KCNH7: variants seen among roughly 807,000 people sequenced by gnomAD.
KCNH7 encodes voltage-gated inwardly rectifying potassium channel KCNH7.
In KCNH7, 49 loss-of-function variants were observed where a neutral mutation model predicts 120.8. That is an observed-to-expected ratio of 0.41 (90% CI 0.32 to 0.51). The LOEUF (loss-of-function observed/expected upper bound fraction) is 0.51, where lower values mean the gene tolerates loss of function less well. Among genes scored for constraint, KCNH7 ranks in the 20% least tolerant of loss-of-function variants. The pLI, the probability that KCNH7 is intolerant of heterozygous loss-of-function variation, is 0.38. For synonymous variants in KCNH7, 547 were observed against 516.1 expected, an observed-to-expected ratio of 1.06 and a Z score of -0.81; for missense variants, 1,097 against 1,446.6, an observed-to-expected ratio of 0.76 and a Z score of 3.92.
At chr2:162,399,313 TC>T (rs1687005499) in intron 10 of KCNH7, among the ~76,000 whole-genome samples, 2 of 151,896 alleles carry the variant, frequency 1.3e-5, no homozygotes, top group Middle Eastern at 3.4e-3. Flanking sequence ...TACTACAAGT[TC>T]ACATGGCCTA....
At chr2:162,529,618 T>A (rs1303169773) in intron 3 of KCNH7, among the ~76,000 whole-genome samples, 1 of 151,978 alleles carries the variant, frequency 6.6e-6, no homozygotes, top group Non-Finnish European at 1.5e-5. Context: ...TCGATGACAG[T>A]AAACTCGGGC....
At chr2:162,556,667 T>A (rs1035124815) in intron 2 of KCNH7, among the ~76,000 whole-genome samples, 5 of 152,202 alleles carry the variant, frequency 3.3e-5, no homozygotes, top group Non-Finnish European at 7.3e-5. Context: ...CATTCCTTTT[T>A]AACATAAATT....
chr2:162,670,079 C>A (rs1300764018), intron 2 of KCNH7, among the ~76,000 whole-genome samples: 1 of 151,892 alleles, frequency 6.6e-6, no homozygotes, highest in Non-Finnish European at 1.5e-5. Flanking sequence ...CCAGCCTGGG[C>A]GACAAGAGCG....
intron 14 of KCNH7, among the ~76,000 whole-genome samples, chr2:162,379,608 G>A (rs1440728627): frequency 2.0e-5 from 3 of 152,072 alleles, no homozygotes; most frequent in Non-Finnish European, 4.4e-5. Flanking sequence ...AGCCAGTGCT[G>A]GTGAAATACT....
At chr2:162,686,984 T>A (rs540803302) in intron 2 of KCNH7, among the ~76,000 whole-genome samples, 1 of 152,140 alleles carries the variant, frequency 6.6e-6, no homozygotes, top group Non-Finnish European at 1.5e-5. Context: ...TTGTGGCTGC[T>A]AACAGTCCCC....
chr2:162,409,611 A>G (rs1325505123), intron 9 of KCNH7, among the ~76,000 whole-genome samples: 4 of 152,100 alleles, frequency 2.6e-5, no homozygotes, highest in Admixed American at 2.6e-4. Flanking sequence ...AGAAAGAGAA[A>G]TAAAAGGCAT....
chr2:162,429,641 CA>C (rs1366176141), intron 8 of KCNH7, among the ~76,000 whole-genome samples: 2 of 150,610 alleles, frequency 1.3e-5, no homozygotes, highest in African/African-American at 4.9e-5. Flanking sequence ...TTTTGGCTTT[CA>C]TTGTTCTAAT....
rs41268653 is a variant in KCNH7 at position 162,504,648 on chromosome 2, T to C, written c.923A>G (p.Asn308Ser). Residue 308 changes from asparagine (N) to serine (S), a missense_variant, in exon 6 of 16, where the codon AAT becomes AGT. Asn to Ser is a conservative substitution (Grantham distance 46). This residue lies in a region of KCNH7 where 362 missense variants were observed against 372.2 expected (regional missense o/e 0.97). Transcript: ENST00000332142. ...DNGRNVKGPF[N>S]HIKSSLLGST... The stretch of plus-strand genomic sequence containing the variant: ...TCCCAGGAGGCTTGACTTGATATGA[T>C]TAAAAGGCCCTAAAAAAATGGAAAG... 1.2e-6 allele frequency: 2 copies of C among 1,606,626 alleles called. No homozygotes were observed. Among genetic ancestry groups the C allele is most frequent in the South Asian group, 1.1e-5 (1 of 90,796 alleles).
chr2:162,538,636 A>G (rs751199991), intron 2 of KCNH7, among the ~76,000 whole-genome samples: 1 of 151,324 alleles, frequency 6.6e-6, no homozygotes. Flanking sequence ...GCATAAGAAA[A>G]CTCTTTCCTT....
rs761517740 is a variant in KCNH7, at chr2:162,491,639, T to C, written c.1128+12804A>G. 2.0e-5 allele frequency among the ~76,000 whole-genome samples: 3 copies of C among 152,118 alleles called. No homozygotes were observed. In the East Asian group the frequency reaches 5.8e-4, roughly 29 times the overall value. ...CACCCATTAGGCCTCCCTGTTAACA[T>C]GGGTGAAAAGTTGCATTGGCATTCA... On this transcript the variant is annotated intron_variant, in intron 6 of 15. Coordinates refer to ENST00000332142, the MANE Select transcript of KCNH7 (RefSeq NM_033272.4).
intron 14 of KCNH7, among the ~76,000 whole-genome samples, chr2:162,375,008 CTGTTATG>C (rs1686110708): frequency 6.6e-6 from 1 of 152,270 alleles, no homozygotes; most frequent in Middle Eastern, 3.4e-3. Context: ...CATTATTTCA[CTGTTATG>C]TGTTATACAT....
At chr2:162,669,276 C>A (rs1338460129) in intron 2 of KCNH7, among the ~76,000 whole-genome samples, 2 of 152,018 alleles carry the variant, frequency 1.3e-5, no homozygotes, top group East Asian at 3.9e-4. Context: ...AAAATGTAGA[C>A]TGACTTACAT....
At chr2:162,626,007 G>C (rs757175301) in intron 2 of KCNH7, among the ~76,000 whole-genome samples, 2 of 152,082 alleles carry the variant, frequency 1.3e-5, no homozygotes, top group African/African-American at 4.8e-5. Context: ...AGGACTTAGG[G>C]GCAGCTAGTT....
At chr2:162,790,049 G>A (rs1559135492) in intron 2 of KCNH7, among the ~76,000 whole-genome samples, 1 of 151,096 alleles carries the variant, frequency 6.6e-6, no homozygotes, top group African/African-American at 2.4e-5. Context: ...ATAAAAATAG[G>A]AGTTGTTTTT....
chr2:162,752,152 C>T (rs1332138145), intron 2 of KCNH7, among the ~76,000 whole-genome samples: 1 of 152,012 alleles, frequency 6.6e-6, no homozygotes, highest in African/African-American at 2.4e-5. Context: ...AAGCAGAAGT[C>T]ATCTAAATAC....
At chr2:162,492,088 C>T (rs1383842748) in intron 6 of KCNH7, among the ~76,000 whole-genome samples, 1 of 152,328 alleles carries the variant, frequency 6.6e-6, no homozygotes. Context: ...TCTTACCAGT[C>T]AGACTTCTGG....
At chr2:162,418,209 A>C (rs1373779043) in intron 9 of KCNH7, among the ~76,000 whole-genome samples, 1 of 152,156 alleles carries the variant, frequency 6.6e-6, no homozygotes, top group African/African-American at 2.4e-5. Context: ...GAAAACCAAA[A>C]GGTGTTGCCA....
intron 2 of KCNH7, among the ~76,000 whole-genome samples, chr2:162,719,842 AC>A (rs1427697192): frequency 6.6e-6 from 1 of 151,978 alleles, no homozygotes. Context: ...ATGCAGACTT[AC>A]CCCCCATGTT....
intron 3 of KCNH7, among the ~76,000 whole-genome samples, chr2:162,526,354 AG>A (rs1691704490): frequency 6.6e-6 from 1 of 151,940 alleles, no homozygotes; most frequent in Non-Finnish European, 1.5e-5. Flanking sequence ...ATCAGGAGAC[AG>A]GGTTTGAGAG....
Sources: allele counts gnomAD v4.1 joint callset (sites outside exome capture counted in the v4.1 genomes callset), GRCh38; gene constraint gnomAD v4.1.1; regional missense constraint gnomAD v4.1.1; transcripts MANE v1.5; gene names NCBI Gene and HGNC (gene_info 2026-07-23, HGNC 2026-07-21).